The following UXS1 variants were observed in gnomAD, a reference collection of about 807,000 sequenced individuals.
The protein encoded by UXS1 is UDP-glucuronate decarboxylase 1, also known as UDP-glucuronic acid decarboxylase 1.
UXS1 carries 33 observed loss-of-function variants against 62.6 expected under a neutral mutation model. That is an observed-to-expected ratio of 0.53 (90% CI 0.40 to 0.70). The LOEUF is 0.70. Among genes scored for constraint, UXS1 ranks in the 30% least tolerant of loss-of-function variants. UXS1 has a pLI of 0.00. For synonymous variants in UXS1, 213 were observed against 206.8 expected (o/e 1.03, Z -0.26); for missense variants, 434 against 556.3 (o/e 0.78, Z 2.21).
chr2:106,170,410 A>G (rs557037871), intron 1 of UXS1, among the ~76,000 whole-genome samples: 22 of 152,334 alleles, frequency 1.4e-4, no homozygotes, highest in African/African-American at 4.8e-4. Context: ...CTGCAAGATG[A>G]GGCGTTTTCA....
chr2:106,177,289 G>A (rs1041502822), intron 1 of UXS1, among the ~76,000 whole-genome samples: 1 of 146,000 alleles, frequency 6.8e-6, no homozygotes, highest in South Asian at 2.2e-4. Flanking sequence ...TTTGCCGCCC[G>A]GGTTCAAGCG....
intron 2 of UXS1, 121 bp from the exon 3 acceptor site, chr2:106,164,920 G>A: frequency 1.5e-6 from 1 of 677,226 alleles, no homozygotes; most frequent in Non-Finnish European, 2.4e-6. Flanking sequence ...TCAGTCATGT[G>A]TACAATTCCC....
chr2:106,174,689 C>T (rs150540383), intron 1 of UXS1, among the ~76,000 whole-genome samples: 6 of 152,332 alleles, frequency 3.9e-5, no homozygotes, highest in African/African-American at 9.6e-5. Flanking sequence ...GGCACGTGCC[C>T]AGTAAGAGTG....
At chr2:106,162,574 T>G (rs1193422506) in intron 4 of UXS1, among the ~76,000 whole-genome samples, 1 of 152,256 alleles carries the variant, frequency 6.6e-6, no homozygotes, top group Non-Finnish European at 1.5e-5. Flanking sequence ...ATCTCTCAAT[T>G]CTGCTGTCTT....
rs1311705338 is a variant in UXS1, at chr2:106,145,302, C to T, written c.360G>A (p.Val120=). ...CCGTGAAGAAATTGTCCACCACGGT[C>T]ACCTCGTGGCCGTCCATCATGAGTT... is the stretch of plus-strand genomic sequence containing the variant. ...TDKLMMDGHE[V]TVVDNFFTGR... Residue 120 remains valine (V), a synonymous_variant, in exon 6 of 15, where the codon GTG becomes GTA. Transcript: ENST00000283148. The T allele has an allele frequency of 6.2e-7, 1 of 1,613,988 alleles. No individual in the cohort carries two copies. Among genetic ancestry groups the T allele is most frequent in the Non-Finnish European group, 8.5e-7 (1 of 1,179,880 alleles).
chr2:106,164,764 T>C lies in UXS1; in HGVS notation c.158A>G (p.Glu53Gly). 1.3e-6 allele frequency: 2 copies of C among 1,591,024 alleles called. No homozygotes were observed. The highest frequency in any genetic ancestry group is 1.1e-5 in the South Asian group (1 of 87,056). The change falls in exon 3 of 15, where the codon GAA becomes GGA. Residue 53 changes from glutamate to glycine, a missense_variant. By Grantham distance (98) the Glu-to-Gly change is moderately conservative (BLOSUM62 -2). Coordinates refer to ENST00000283148, the MANE Select transcript of UXS1 (RefSeq NM_001253875.2). ...TTCAATCTTGCTTTCAATTTTTAGT[T>C]CACCATTTTCCTGGATAGACCTGTT... The part of the protein sequence containing the change: ...LLNRSIQENG[E>G]LKIESKIEEM...
chr2:106,155,786 C>G (rs1230361228), intron 5 of UXS1, among the ~76,000 whole-genome samples: 1 of 152,166 alleles, frequency 6.6e-6, no homozygotes, highest in African/African-American at 2.4e-5. Context: ...TTATTTTCAA[C>G]AAGGGTGCCA....
At chr2:106,183,412 C>T (rs1157472263) in intron 1 of UXS1, 1 of 152,204 alleles carries the variant, frequency 6.6e-6, no homozygotes, top group Admixed American at 6.5e-5. Context: ...TTTTCCTTTT[C>T]TAGCACATCC....
intron 9 of UXS1, among the ~76,000 whole-genome samples, chr2:106,113,199 T>C (rs1678765393): frequency 6.6e-6 from 1 of 152,224 alleles, no homozygotes; most frequent in South Asian, 2.1e-4. Flanking sequence ...AATGAATATT[T>C]AATAGCTAGG....
intron 5 of UXS1, among the ~76,000 whole-genome samples, chr2:106,153,913 G>A (rs1333285333): frequency 6.6e-6 from 1 of 152,142 alleles, no homozygotes; most frequent in Admixed American, 6.5e-5. Context: ...TTGAATTCTG[G>A]AGTTGAAAAA....
At chr2:106,166,111 A>G (rs764749705) in intron 1 of UXS1, 28 bp from the exon 2 acceptor site, 29 of 1,607,594 alleles carry the variant, frequency 1.8e-5, no homozygotes, top group Non-Finnish European at 2.3e-5. Context: ...AAGGAAGTCA[A>G]TGTTTAAGTC....
intron 7 of UXS1, among the ~76,000 whole-genome samples, chr2:106,126,789 T>C (rs560331318): frequency 6.6e-5 from 10 of 152,328 alleles, no homozygotes; most frequent in East Asian, 3.9e-4. Flanking sequence ...AATCAGGACA[T>C]TGACATTGAT....
intron 12 of UXS1, 61 bp from the exon 13 acceptor site, chr2:106,098,834 G>T: frequency 6.8e-7 from 1 of 1,479,796 alleles, no homozygotes; most frequent in South Asian, 1.2e-5. Context: ...CCACCACCCA[G>T]ACCACAGGCG....
At position 106,122,917 on chromosome 2, in the gene UXS1, A is replaced by C; in HGVS notation, c.759+53T>G. ...ATTCCTTTACAACACTTTACATCTG[A>C]GGTCAGGGTGCTCAGCACGCCTAAA... On this transcript the variant is annotated intron_variant, in intron 9 of 14. Transcript: ENST00000283148. 1.9e-6 allele frequency: 3 copies of C among 1,601,792 alleles called. No individual in the cohort carries two copies. The South Asian group carries it at 3.3e-5, about 18-fold the overall frequency.
Position 106,194,175 on chromosome 2 carries a change from C to A in UXS1, c.67G>T (p.Gly23Cys). The A allele has an allele frequency of 6.7e-7, 1 of 1,486,258 alleles. No homozygotes were observed. Among genetic ancestry groups the A allele is most frequent in the Non-Finnish European group, 9.0e-7 (1 of 1,116,726 alleles). The allele number at this position is 1,486,258 out of a possible 1,614,324, so 92.1% of individuals were successfully genotyped here. The change falls in exon 1 of 15, where the codon GGC becomes TGC. Residue 23 changes from glycine (G) to cysteine (C), a missense_variant. Transcript: ENST00000283148. ...GCGACGTAGGCCAGCAAGGCGATGC[C>A]CAGCAGCAGCTTCATCCTCCTGCGG... ...VNRRRMKLLLGIALLAYVASV... is the reference protein window; with the variant it reads ...VNRRRMKLLLCIALLAYVASV...
chr2:106,147,855 G>T (rs759517038), intron 5 of UXS1, among the ~76,000 whole-genome samples: 5 of 152,156 alleles, frequency 3.3e-5, no homozygotes, highest in African/African-American at 1.2e-4. Flanking sequence ...TTAGAGTTTG[G>T]TTTTTCAGTT....
chr2:106,181,516 C>T (rs1684242821), intron 1 of UXS1, among the ~76,000 whole-genome samples: 1 of 152,098 alleles, frequency 6.6e-6, no homozygotes, highest in Non-Finnish European at 1.5e-5. Context: ...CTCAGGAGTT[C>T]GAGACGACCC....
chr2:106,106,982 T>C (rs151066745), intron 10 of UXS1, among the ~76,000 whole-genome samples: 48 of 152,304 alleles, frequency 3.2e-4, no homozygotes, highest in African/African-American at 1.2e-3. Flanking sequence ...GAACTACCTG[T>C]AGATTTTTTT....
intron 5 of UXS1, among the ~76,000 whole-genome samples, chr2:106,151,016 T>C (rs555769477): frequency 3.9e-5 from 6 of 152,346 alleles, no homozygotes; most frequent in African/African-American, 1.4e-4. Context: ...AGTTACCCTG[T>C]TCTTTCCTAT....
Sources: allele counts gnomAD v4.1 joint callset (sites outside exome capture counted in the v4.1 genomes callset), GRCh38; gene constraint gnomAD v4.1.1; transcripts MANE v1.5; gene names NCBI Gene and HGNC (gene_info 2026-07-23, HGNC 2026-07-21).